DGCR2: variants seen among roughly 807,000 people sequenced by gnomAD.
DGCR2 encodes DiGeorge syndrome critical region gene 2, also known as integral membrane protein DGCR2/IDD.
A neutral mutation model predicts 51.6 loss-of-function variants in DGCR2; 24 were observed. The ratio of observed to expected loss-of-function variants is 0.47; its 90% CI spans 0.34 to 0.65. DGCR2 has a LOEUF of 0.65. Ranked by LOEUF, DGCR2 falls within the 30% of genes least tolerant of loss-of-function variation. The pLI is 0.01. For synonymous variants in DGCR2, 340 were observed against 315.4 expected (o/e 1.08, Z -0.82); for missense variants, 765 against 772.1 (o/e 0.99, Z 0.11).
chr22:19,050,203 A>G (rs1182061145), intron 6 of DGCR2, among the ~76,000 whole-genome samples: 1 of 152,252 alleles, frequency 6.6e-6, no homozygotes, highest in Non-Finnish European at 1.5e-5. Context: ...CTGAAAGTGA[A>G]AGACAAGGCG....
At chr22:19,106,743 T>C (rs541446884) in intron 1 of DGCR2, among the ~76,000 whole-genome samples, 80 of 152,266 alleles carry the variant, frequency 5.3e-4, no homozygotes, top group African/African-American at 1.8e-3. Context: ...CCACATCAAG[T>C]TGGCAGCAGC....
rs572438401 is a variant in DGCR2 at position 19,065,157 on chromosome 22, G to C, written c.329-90C>G. 2.2e-5 allele frequency: 25 copies of C among 1,127,410 alleles called. No homozygotes were observed. In the African/African-American group the frequency reaches 3.4e-4, roughly 15 times the overall value. 69.8% of individuals were successfully genotyped at this position (1,127,410 alleles called of 1,614,324 possible). ...ACTCCATCAGGGACAGGCACACCTT[G>C]TAAATCACCCTAGAGAAGTGGGGAA... On this transcript the variant is annotated intron_variant, in intron 3 of 9. Transcript: ENST00000263196.
At chr22:19,062,786 C>CTT (rs1569052871) in intron 5 of DGCR2, among the ~76,000 whole-genome samples, 1 of 141,864 alleles carries the variant, frequency 7.0e-6, no homozygotes, top group East Asian at 2.0e-4. Flanking sequence ...CTCACTCTCT[C>CTT]TCTCTCTCTC....
Position 19,038,892 on chromosome 22 carries a change from G to C in DGCR2, c.1626C>G (p.Ser542Arg). ...AEALPGGGRHSRSSLNTVV is the reference protein window; with the variant it reads ...AEALPGGGRHRRSSLNTVV ...ACACCACAGTATTGAGGGAGCTGCGGCTGTGGCGGCCACCCCCTGGCAGTG... is the reference window on the plus strand; with the variant it reads ...ACACCACAGTATTGAGGGAGCTGCGCCTGTGGCGGCCACCCCCTGGCAGTG... The change falls in exon 10 of 10, where the codon AGC becomes AGG. Residue 542 changes from serine (S) to arginine (R), a missense_variant. Physicochemically the swap from Ser to Arg is moderately radical, Grantham distance 110. Transcript: ENST00000263196. 1 of 1,612,926 alleles carries C rather than the reference G, an allele frequency of 6.2e-7. No homozygotes were observed. The highest frequency in any genetic ancestry group is 8.5e-7 in the Non-Finnish European group (1 of 1,179,908).
intron 9 of DGCR2, among the ~76,000 whole-genome samples, chr22:19,039,874 G>A (rs8141235): frequency 0.015 from 2,333 of 150,836 alleles, 63 homozygotes; most frequent in African/African-American, 0.054. Context: ...CACTATGCAC[G>A]GCTAGTTCTG....
At position 19,057,059 on chromosome 22, in the gene DGCR2, G is replaced by C. The variant is rs2082611759; in HGVS notation, c.729C>G (p.Thr243=). The C allele has an allele frequency of 4.4e-6, 7 of 1,600,820 alleles. No individual in the cohort carries two copies. Among genetic ancestry groups the C allele is most frequent in the Non-Finnish European group, 6.0e-6 (7 of 1,173,820 alleles). The change falls in exon 6 of 10, where the codon ACC becomes ACG. Residue 243 remains threonine (T), a synonymous_variant. Coordinates refer to ENST00000263196, the MANE Select transcript of DGCR2 (RefSeq NM_005137.3). The surrounding 1 kb of genome is among the most constrained non-coding windows in gnomAD (Gnocchi z 5.1). Reference sequence around the variant, plus strand: ...AGCTGTGGAGGTCGTGGTGCCGCAGGGTGGGGAAATGGAAGCACTGAAGCT... The same window carrying C: ...AGCTGTGGAGGTCGTGGTGCCGCAGCGTGGGGAAATGGAAGCACTGAAGCT... ...CAQLQCFHFP[T]LRHHDLHSWH...
At chr22:19,046,610 C>T in intron 7 of DGCR2, 1 of 209,536 alleles carries the variant, frequency 4.8e-6, no homozygotes, top group Non-Finnish European at 1.1e-5. Context: ...TGATGCTTAA[C>T]ACATGACATC....
In DGCR2 at chr22:19,038,827, C is replaced by T. The variant is rs1486679490; in HGVS notation, c.*38G>A. ...AGGGACCGGTGTTTTCTACAACAGA[C>T]AGGTGCTCCCAGACCGTTGGGGTAC... On this transcript the variant is annotated 3_prime_UTR_variant, in exon 10 of 10. Coordinates refer to ENST00000263196, the MANE Select transcript of DGCR2 (RefSeq NM_005137.3). The T allele has an allele frequency of 3.8e-6, 6 of 1,593,322 alleles. No individual in the cohort carries two copies. Among genetic ancestry groups the T allele is most frequent in the African/African-American group, 1.3e-5 (1 of 74,478 alleles).
intron 1 of DGCR2, chr22:19,121,751 G>T (rs760658083): frequency 7.3e-5 from 12 of 164,976 alleles, no homozygotes; most frequent in Non-Finnish European, 1.3e-4. Flanking sequence ...GGACTGAGAG[G>T]CTGGCACTAG....
chr22:19,043,742 G>A (rs944314711), intron 7 of DGCR2, among the ~76,000 whole-genome samples: 5 of 152,224 alleles, frequency 3.3e-5, no homozygotes, highest in South Asian at 2.1e-4. Flanking sequence ...CACAACCCCC[G>A]TGTGAGTGGC....
At chr22:19,063,096 G>A (rs1445185240) in intron 5 of DGCR2, 106 bp downstream of exon 5, 7 of 1,059,014 alleles carry the variant, frequency 6.6e-6, no homozygotes, top group Admixed American at 4.2e-5. Context: ...TCCCTGCACA[G>A]CACCCCTACG....
Position 19,065,219 on chromosome 22 carries a change from C to T in DGCR2, c.329-152G>A, listed in dbSNP as rs1367257965. On this transcript the variant is annotated intron_variant, in intron 3 of 9. Coordinates refer to ENST00000263196, the MANE Select transcript of DGCR2 (RefSeq NM_005137.3). ...AGAGGACAAGGTCTGCTTCTGAAAC[C>T]ACATTGCAGAAATGCTCAAGTTTCT... 10 of 638,682 alleles carry T rather than the reference C, an allele frequency of 1.6e-5. No individual in the cohort carries two copies. The East Asian group carries it at 1.9e-4, about 12-fold the overall frequency. The allele number at this position is 638,682 out of a possible 1,614,324, so 39.6% of individuals were successfully genotyped here.
intron 2 of DGCR2, among the ~76,000 whole-genome samples, chr22:19,083,706 C>CCCGTCTCCCTCT (rs1555907888): frequency 1.9e-5 from 2 of 106,616 alleles, no homozygotes; most frequent in African/African-American, 8.6e-5. Flanking sequence ...CCTCCCCCTC[C>CCCGTCTCCCTCT]CCCTCTCCCT....
At chr22:19,071,281 A>G (rs1158918431) in intron 2 of DGCR2, among the ~76,000 whole-genome samples, 3 of 152,250 alleles carry the variant, frequency 2.0e-5, no homozygotes, top group Non-Finnish European at 4.4e-5. Context: ...CACACTGGAG[A>G]GCAAGTTCAA....
chr22:19,041,822 G>A lies in DGCR2; in HGVS notation c.1144C>T (p.Leu382=). The change falls in exon 8 of 10, where the codon CTG becomes TTG. Residue 382 remains leucine, a synonymous_variant. Coordinates refer to ENST00000263196, the MANE Select transcript of DGCR2 (RefSeq NM_005137.3). ...GGGCACTTACAGTTTGCTCCAATCA[G>A]GGACTCGATGCGCTCCCGGCGCCGC... ...RQRRRERIES[L]IGANLHHFNL... The A allele has an allele frequency of 1.9e-6, 3 of 1,612,424 alleles. No homozygotes were observed. Among genetic ancestry groups the A allele is most frequent in the Non-Finnish European group, 2.5e-6 (3 of 1,179,826 alleles).
At chr22:19,071,617 G>A (rs1031373655) in intron 2 of DGCR2, among the ~76,000 whole-genome samples, 1 of 152,174 alleles carries the variant, frequency 6.6e-6, no homozygotes, top group African/African-American at 2.4e-5. Flanking sequence ...CTGCAAAAGA[G>A]GGCTGGGAAT....
chr22:19,076,168 A>T (rs2082873726), intron 2 of DGCR2, among the ~76,000 whole-genome samples: 1 of 149,914 alleles, frequency 6.7e-6, no homozygotes, highest in African/African-American at 2.5e-5. Context: ...AGTTCACTTT[A>T]TTTTTTGGGG....
chr22:19,088,331 T>C (rs988699625), intron 2 of DGCR2, among the ~76,000 whole-genome samples: 2 of 152,172 alleles, frequency 1.3e-5, no homozygotes, highest in Non-Finnish European at 2.9e-5. Context: ...AGCCAATCTA[T>C]AAAATGAGGG....
Position 19,041,653 on chromosome 22 carries a change from T to C in DGCR2, c.1159+154A>G, listed in dbSNP as rs960026872. 4.5e-5 allele frequency: 42 copies of C among 929,462 alleles called. No homozygotes were observed. The East Asian group carries it at 9.4e-4, about 21-fold the overall frequency. 57.6% of individuals were successfully genotyped at this position (929,462 alleles called of 1,614,324 possible). A position where few individuals can be genotyped will look rare whatever the true frequency, so the allele number is the denominator to read the frequency against. ...AATAAGGAGGGTCTTGGCAAGAACT[T>C]TCCTGGCCCACAGGTGAGGACACAG... On this transcript the variant is annotated intron_variant, in intron 8 of 9. Coordinates refer to ENST00000263196, the MANE Select transcript of DGCR2 (RefSeq NM_005137.3).
Sources: gnomAD v4.1 joint callset for allele counts (sites outside exome capture counted in the v4.1 genomes callset) on GRCh38, gnomAD v4.1.1 for gene constraint, Gnocchi (gnomAD v3.1) non-coding constraint, MANE v1.5 for transcripts, NCBI Gene and HGNC (gene_info 2026-07-23, HGNC 2026-07-21) for gene names.